ROCK2: variants seen among roughly 807,000 people sequenced by gnomAD.
ROCK2 encodes rho-associated protein kinase 2.
Under a neutral mutation model 195.1 loss-of-function variants are expected in ROCK2, and 61 were observed. The ratio of observed to expected loss-of-function variants is 0.31; its 90% CI spans 0.25 to 0.39. The LOEUF is 0.39. Among genes scored for constraint, ROCK2 ranks in the 10% least tolerant of loss-of-function variants. The pLI is 1.00. For synonymous variants in ROCK2, 504 were observed against 545.5 expected, an observed-to-expected ratio of 0.92 and a Z score of 1.06; for missense variants, 1,109 against 1,637.4, an observed-to-expected ratio of 0.68 and a Z score of 5.57.
At chr2:11,194,812 A>T in intron 28 of ROCK2, 143 bp downstream of exon 28, 1 of 418,262 alleles carries the variant, frequency 2.4e-6, no homozygotes, top group Non-Finnish European at 4.3e-6. Context: ...AAATAAAATC[A>T]TATCATTTCA....
rs972479680 is a variant in ROCK2 at position 11,237,459 on chromosome 2, G to A, written c.463-1497C>T. ...AGTAAACAAAAATTTCTAGAAATGA[G>A]TAAAGTTAAAAATCTAAGATCAAGA... is the stretch of plus-strand genomic sequence containing the variant. On this transcript the variant is annotated intron_variant, in intron 4 of 32. Coordinates refer to ENST00000315872, the MANE Select transcript of ROCK2 (RefSeq NM_004850.5). Among the ~76,000 whole-genome samples, 7 of 152,146 alleles carry A rather than the reference G, an allele frequency of 4.6e-5. No individual in the cohort carries two copies. In the East Asian group the frequency reaches 1.3e-3, roughly 29 times the overall value.
intron 2 of ROCK2, among the ~76,000 whole-genome samples, chr2:11,287,074 G>A (rs1412992146): frequency 6.6e-6 from 1 of 152,150 alleles, no homozygotes; most frequent in Non-Finnish European, 1.5e-5. Context: ...AGTAACTATA[G>A]ATAAGATTGT....
intron 1 of ROCK2, among the ~76,000 whole-genome samples, chr2:11,341,122 A>G (rs976284654): frequency 2.0e-5 from 3 of 152,242 alleles, no homozygotes; most frequent in African/African-American, 7.2e-5. Context: ...ACTCTAAGTA[A>G]TACTAAGCGG....
chr2:11,232,774 T>C (rs1406342218), intron 5 of ROCK2, among the ~76,000 whole-genome samples: 3 of 152,192 alleles, frequency 2.0e-5, no homozygotes, highest in African/African-American at 4.8e-5. Flanking sequence ...GCAATATCTA[T>C]GGAATCACTA....
intron 3 of ROCK2, among the ~76,000 whole-genome samples, chr2:11,285,979 T>C (rs561722195): frequency 1.3e-5 from 2 of 151,860 alleles, no homozygotes; most frequent in South Asian, 4.2e-4. Context: ...CGCTGTAGTG[T>C]GAAGAAGAGA....
At chr2:11,211,085 T>A (rs1459195556) in intron 18 of ROCK2, among the ~76,000 whole-genome samples, 1 of 152,216 alleles carries the variant, frequency 6.6e-6, no homozygotes, top group East Asian at 1.9e-4. Context: ...AAGAAAAAAT[T>A]ATCCTAAGAC....
chr2:11,192,002 T>C lies in ROCK2; in HGVS notation c.4163+146A>G. On this transcript the variant is annotated intron_variant, in intron 32 of 32. Transcript: ENST00000315872. The surrounding 1 kb of genome is among the most constrained non-coding windows in gnomAD (Gnocchi z 5.0). ...GAATCGATGAACATGACATGCACATTAAGACAGTTCCAACATTTGGTATTC... is the reference window on the plus strand; with the variant it reads ...GAATCGATGAACATGACATGCACATCAAGACAGTTCCAACATTTGGTATTC... 1.6e-6 allele frequency: 1 copy of C among 613,226 alleles called. No individual in the cohort carries two copies. The highest frequency in any genetic ancestry group is 2.8e-6 in the Non-Finnish European group (1 of 352,274). The allele number at this position is 613,226 out of a possible 1,614,324, so 38.0% of individuals were successfully genotyped here.
chr2:11,317,441 GATA>G (rs908233843), intron 1 of ROCK2, among the ~76,000 whole-genome samples: 1 of 150,498 alleles, frequency 6.6e-6, no homozygotes, highest in African/African-American at 2.4e-5. Flanking sequence ...ATAAAACAGA[GATA>G]ATAACATAAC....
chr2:11,215,179 A>T, intron 15 of ROCK2, 93 bp from the exon 16 acceptor site: 2 of 1,512,504 alleles, frequency 1.3e-6, no homozygotes, highest in Non-Finnish European at 1.8e-6. Context: ...AAACTATTTA[A>T]AATAAACAAA....
intron 3 of ROCK2, 115 bp downstream of exon 3, chr2:11,286,424 A>C (rs1448123879): frequency 4.4e-6 from 3 of 684,930 alleles, no homozygotes; most frequent in Non-Finnish European, 7.7e-6. Context: ...CCAAGATCAC[A>C]AAGCCACCTT....
intron 3 of ROCK2, among the ~76,000 whole-genome samples, chr2:11,255,240 T>TAA (rs1665987785): frequency 7.2e-6 from 1 of 138,862 alleles, no homozygotes. Flanking sequence ...AAAAAAAACT[T>TAA]GGGAAACATC....
At chr2:11,246,530 T>C (rs1025701208) in intron 4 of ROCK2, among the ~76,000 whole-genome samples, 3 of 152,100 alleles carry the variant, frequency 2.0e-5, no homozygotes, top group African/African-American at 4.8e-5. Flanking sequence ...TAAATGGCTT[T>C]AAAAAGACAA....
At chr2:11,287,295 A>T (rs1265708152) in intron 2 of ROCK2, among the ~76,000 whole-genome samples, 5 of 152,288 alleles carry the variant, frequency 3.3e-5, no homozygotes, top group African/African-American at 9.6e-5. Context: ...CTAGTCTGAA[A>T]TGTCCACAAT....
intron 1 of ROCK2, among the ~76,000 whole-genome samples, chr2:11,337,800 AT>A (rs536041618): frequency 6.3e-4 from 94 of 149,076 alleles, no homozygotes; most frequent in South Asian, 2.1e-3. Flanking sequence ...CGCCTGGCTA[AT>A]TTTTTTTTTC....
At chr2:11,238,982 TA>T (rs1217405182) in intron 4 of ROCK2, among the ~76,000 whole-genome samples, 1,976 of 145,344 alleles carry the variant, frequency 0.014, 33 homozygotes, top group African/African-American at 0.045. Context: ...AAAAAATAAT[TA>T]AAAAAAAAAA....
At chr2:11,204,995 TTAATCTC>T (rs1487030900) in intron 20 of ROCK2, among the ~76,000 whole-genome samples, 5 of 152,200 alleles carry the variant, frequency 3.3e-5, no homozygotes, top group African/African-American at 1.2e-4. Flanking sequence ...GGGAAAAACT[TTAATCTC>T]TATGTATGTA....
intron 1 of ROCK2, among the ~76,000 whole-genome samples, chr2:11,312,976 G>C (rs756034047): frequency 6.6e-6 from 1 of 152,086 alleles, no homozygotes; most frequent in African/African-American, 2.4e-5. Context: ...GAAAAAGAAA[G>C]GAGGATGATG....
At chr2:11,325,593 C>G (rs1166230265) in intron 1 of ROCK2, among the ~76,000 whole-genome samples, 2 of 151,950 alleles carry the variant, frequency 1.3e-5, no homozygotes, top group African/African-American at 4.8e-5. Flanking sequence ...AAGGGACAAG[C>G]GATAGGTTAG....
In ROCK2 at chr2:11,218,962, G is replaced by A. The variant is rs765121297; in HGVS notation, c.1320+4C>T. On this transcript the variant is annotated splice_donor_region_variant and intron_variant, in intron 10 of 32. Transcript: ENST00000315872. ...TAACTACAGCAGTAAAAATGTATAC[G>A]TACTTCATTTTTCCTTGATTGTATG... 9.8e-6 allele frequency: 14 copies of A among 1,421,692 alleles called. No homozygotes were observed. The highest frequency in any genetic ancestry group is 1.1e-5 in the Non-Finnish European group (11 of 1,029,334). The allele number at this position is 1,421,692 out of a possible 1,614,324, so 88.1% of individuals were successfully genotyped here.
Sources: gnomAD v4.1 joint callset for allele counts (sites outside exome capture counted in the v4.1 genomes callset) on GRCh38, gnomAD v4.1.1 for gene constraint, Gnocchi (gnomAD v3.1) non-coding constraint, MANE v1.5 for transcripts, NCBI Gene and HGNC (gene_info 2026-07-23, HGNC 2026-07-21) for gene names.